Variants in ZDBF2 observed in about 807,000 individuals in gnomAD.
The protein encoded by ZDBF2 is zinc finger DBF-type containing 2.
A neutral mutation model predicts 9.4 loss-of-function variants in ZDBF2; 6 were observed. The ratio of observed to expected loss-of-function variants is 0.64; its 90% CI spans 0.35 to 1.27. ZDBF2 has a LOEUF of 1.27. ZDBF2 is among the 50% of genes most tolerant of loss of function. ZDBF2 has a pLI of 0.03. For synonymous variants in ZDBF2, 905 were observed against 946.3 expected, an observed-to-expected ratio of 0.96 and a Z score of 0.80; for missense variants, 2,697 against 2,766.8, an observed-to-expected ratio of 0.97 and a Z score of 0.57.
Position 206,311,701 on chromosome 2 carries a change from A to G in ZDBF2, c.*108A>G. 9.0e-7 allele frequency: 1 copy of G among 1,110,362 alleles called. No homozygotes were observed. Among genetic ancestry groups the G allele is most frequent in the South Asian group, 4.3e-5 (1 of 23,434 alleles). 68.8% of individuals were successfully genotyped at this position (1,110,362 alleles called of 1,614,324 possible). ...AGCTTTGGTGAGAAAACTAATCTTGAACTATTTTGCTATAAATATTATTTT... is the reference window on the plus strand; with the variant it reads ...AGCTTTGGTGAGAAAACTAATCTTGGACTATTTTGCTATAAATATTATTTT... On this transcript the variant is annotated 3_prime_UTR_variant, in exon 5 of 5. Coordinates refer to ENST00000374423, the MANE Select transcript of ZDBF2 (RefSeq NM_020923.3).
intron 3 of ZDBF2, among the ~76,000 whole-genome samples, chr2:206,286,584 A>G (rs965414953): frequency 6.6e-6 from 1 of 150,682 alleles, no homozygotes; most frequent in African/African-American, 2.4e-5. Flanking sequence ...AATAAAAGAG[A>G]TGGAGTCTTA....
intron 4 of ZDBF2, among the ~76,000 whole-genome samples, chr2:206,300,144 T>C (rs953070538): frequency 1.3e-5 from 2 of 151,918 alleles, no homozygotes; most frequent in Non-Finnish European, 2.9e-5. Flanking sequence ...AAGCAAAAAA[T>C]TCCCTGAACC....
At position 206,309,349 on chromosome 2, in the gene ZDBF2, G is replaced by T; in HGVS notation, c.4821G>T (p.Lys1607Asn). 2 of 1,613,230 alleles carry T rather than the reference G, an allele frequency of 1.2e-6. No homozygotes were observed. The highest frequency in any genetic ancestry group is 1.7e-6 in the Non-Finnish European group (2 of 1,179,648). ...CKETFKIINR[K>N]KDYIILGEPS... Reference sequence around the variant, plus strand: ...AGACTTTCAAAATAATAAACCGGAAGAAGGACTATATTATTCTGGGAGAGC... The same window carrying T: ...AGACTTTCAAAATAATAAACCGGAATAAGGACTATATTATTCTGGGAGAGC... Residue 1607 changes from lysine to asparagine, a missense_variant, in exon 5 of 5, where the codon AAG (lysine) becomes AAT (asparagine). Physicochemically the swap from Lys to Asn is moderately conservative, Grantham distance 94. Transcript: ENST00000374423.
Position 206,308,333 on chromosome 2 carries a change from G to C in ZDBF2, c.3805G>C (p.Glu1269Gln), listed in dbSNP as rs200401599. The C allele has an allele frequency of 2.0e-4, 323 of 1,613,284 alleles. 1 individual carries two copies. The highest frequency in any genetic ancestry group is 1.7e-3 in the Middle Eastern group (10 of 6,054). ...EVVKEVSLWK[E>Q]HVDLENKIVK... ...AGTTAAGGAGGTCAGTCTTTGGAAA[G>C]AGCATGTTGACTTGGAAAATAAGAT... The change falls in exon 5 of 5, where the codon GAG becomes CAG. Residue 1269 changes from glutamate (E) to glutamine (Q), a missense_variant. Glu to Gln is a conservative substitution (Grantham distance 29). This residue lies in a region of ZDBF2 where 1,783 missense variants were observed against 1,776.5 expected (regional missense o/e 1.00). Coordinates refer to ENST00000374423, the MANE Select transcript of ZDBF2 (RefSeq NM_020923.3).
chr2:206,309,067 T>G lies in ZDBF2; in HGVS notation c.4539T>G (p.Phe1513Leu), dbSNP rs1559158180. The stretch of plus-strand genomic sequence containing the variant: ...CTTTTCAAATAGTAGTTAACCAATT[T>G]CCAGGATCAGTCAAAGAAACCCACC... ...DVPFQIVVNQ[F>L]PGSVKETHLP... Residue 1513 changes from phenylalanine to leucine, a missense_variant, in exon 5 of 5, where the codon TTT (phenylalanine) becomes TTG (leucine). Around this residue, in one of 3 missense-constraint regions of ZDBF2, gnomAD observed 1,783 missense variants for 1,776.5 expected, o/e 1.00. Transcript: ENST00000374423. The G allele has an allele frequency of 6.2e-7, 1 of 1,613,888 alleles. No individual in the cohort carries two copies. Among genetic ancestry groups the G allele is most frequent in the South Asian group, 1.1e-5 (1 of 91,046 alleles).
Position 206,308,103 on chromosome 2 carries a change from A to T in ZDBF2, c.3575A>T (p.Asn1192Ile). Residue 1192 changes from asparagine (N) to isoleucine (I), a missense_variant, in exon 5 of 5, where the codon AAT becomes ATT. Physicochemically the swap from Asn to Ile is moderately radical, Grantham distance 149 (BLOSUM62 -3). Coordinates refer to ENST00000374423, the MANE Select transcript of ZDBF2 (RefSeq NM_020923.3). ...QEHIELEGKH[N>I]QCCGSEVSFD... is the part of the protein sequence containing the mutation. ...CACATTGAACTAGAAGGTAAGCACA[A>T]TCAATGTTGTGGTTCTGAAGTAAGT... 1 of 1,613,994 alleles carries T rather than the reference A, an allele frequency of 6.2e-7. No homozygotes were observed. The highest frequency in any genetic ancestry group is 8.5e-7 in the Non-Finnish European group (1 of 1,179,848).
chr2:206,295,647 T>A lies in ZDBF2; in HGVS notation c.61-1599T>A, dbSNP rs1692133344. Among the ~76,000 whole-genome samples, 5 of 152,294 alleles carry A rather than the reference T, an allele frequency of 3.3e-5. No homozygotes were observed. In the South Asian group the frequency reaches 1.0e-3, roughly 32 times the overall value. ...CTGTAGACTCCCAAAGTGCTGGGAT[T>A]ACAGGCCTGAGCCACTGCGCCCAGC... On this transcript the variant is annotated intron_variant, in intron 3 of 4. Transcript: ENST00000374423.
At chr2:206,278,742 G>A (rs949329573) in intron 1 of ZDBF2, among the ~76,000 whole-genome samples, 15 of 152,048 alleles carry the variant, frequency 9.9e-5, no homozygotes, top group South Asian at 4.1e-4. Context: ...TTAAAAAACC[G>A]TATCCACAGT....
At chr2:206,275,335 C>T (rs1305552814) in intron 1 of ZDBF2, among the ~76,000 whole-genome samples, 1 of 152,126 alleles carries the variant, frequency 6.6e-6, no homozygotes, top group Non-Finnish European at 1.5e-5. Flanking sequence ...ACCTGTGGGG[C>T]CGAGATCCCG....
chr2:206,285,236 A>G (rs1439446260), intron 3 of ZDBF2, among the ~76,000 whole-genome samples: 2 of 152,218 alleles, frequency 1.3e-5, no homozygotes, highest in African/African-American at 2.4e-5. Flanking sequence ...ACTCTTTTCC[A>G]TAATGACTAT....
At chr2:206,299,100 C>T (rs898525575) in intron 4 of ZDBF2, among the ~76,000 whole-genome samples, 2 of 151,436 alleles carry the variant, frequency 1.3e-5, no homozygotes, top group South Asian at 2.1e-4. Context: ...AGGCTGGTCT[C>T]GAACTCCCGA....
intron 1 of ZDBF2, among the ~76,000 whole-genome samples, chr2:206,275,197 A>T (rs970141703): frequency 3.9e-5 from 6 of 152,026 alleles, no homozygotes; most frequent in African/African-American, 1.2e-4. Flanking sequence ...CGCAGGCTGC[A>T]TTGCGCTTCT....
chr2:206,301,966 G>GT (rs879451515), intron 4 of ZDBF2, among the ~76,000 whole-genome samples: 2,299 of 140,580 alleles, frequency 0.016, 33 homozygotes, highest in African/African-American at 0.042. Flanking sequence ...TTTAAAAAAT[G>GT]TTTTTTTTTT....
At chr2:206,279,718 A>G (rs1691212281) in intron 2 of ZDBF2, 126 bp downstream of exon 2, 2 of 152,216 alleles carry the variant, frequency 1.3e-5, no homozygotes, top group Admixed American at 6.5e-5. Context: ...CCTTTAATAA[A>G]TAAGTTTTAT....
chr2:206,302,660 G>A (rs1441670804), intron 4 of ZDBF2, among the ~76,000 whole-genome samples: 5 of 152,144 alleles, frequency 3.3e-5, no homozygotes, highest in Non-Finnish European at 7.3e-5. Flanking sequence ...TTGTTGCACT[G>A]CAGTGTCATT....
At chr2:206,278,333 G>A (rs185050906) in intron 1 of ZDBF2, among the ~76,000 whole-genome samples, 310 of 152,106 alleles carry the variant, frequency 2.0e-3, no homozygotes, top group African/African-American at 6.6e-3. Context: ...TGGAGATTTC[G>A]GGAATTAAGT....
Position 206,313,577 on chromosome 2 carries a change from A to G in ZDBF2, c.*1984A>G, listed in dbSNP as rs185688664. On this transcript the variant is annotated 3_prime_UTR_variant, in exon 5 of 5. Coordinates refer to ENST00000374423, the MANE Select transcript of ZDBF2 (RefSeq NM_020923.3). ...TAGACACATAGTTCCCTTAAATATT[A>G]TTAATAGACATTCTACAGTCTTTCA... 4 of 152,326 alleles carry G rather than the reference A, an allele frequency of 2.6e-5. No homozygotes were observed. Among genetic ancestry groups the G allele is most frequent in the Admixed American group, 2.6e-4 (4 of 15,300 alleles). 9.4% of individuals were successfully genotyped at this position (152,326 alleles called of 1,614,324 possible).
chr2:206,303,439 G>A (rs723606), intron 4 of ZDBF2, among the ~76,000 whole-genome samples: 60,454 of 151,752 alleles, frequency 0.4, 12,531 homozygotes, highest in Admixed American at 0.46. Context: ...ATGTTTGCCC[G>A]ACTTTAAGAA....
intron 3 of ZDBF2, among the ~76,000 whole-genome samples, chr2:206,295,428 G>A (rs1317641077): frequency 1.4e-5 from 2 of 145,480 alleles, no homozygotes; most frequent in African/African-American, 5.1e-5. Flanking sequence ...CAGTGATGCA[G>A]TCTCGGCTTA....
Sources: gnomAD v4.1 joint callset for allele counts (sites outside exome capture counted in the v4.1 genomes callset) on GRCh38, gnomAD v4.1.1 for gene constraint, gnomAD v4.1.1 regional missense constraint, MANE v1.5 for transcripts, NCBI Gene and HGNC (gene_info 2026-07-23, HGNC 2026-07-21) for gene names.